Variants in ZFHX3 observed in about 807,000 individuals in gnomAD.
ZFHX3 encodes the protein zinc finger homeobox 3.
In ZFHX3, 42 loss-of-function variants were observed where a neutral mutation model predicts 279.1. The ratio of observed to expected loss-of-function variants is 0.15; its 90% confidence interval spans 0.12 to 0.19. ZFHX3 has a LOEUF of 0.19. ZFHX3 is among the 10% of genes least tolerant of loss of function. The pLI is 1.00. For missense variants in ZFHX3, 4,981 were observed against 4,754.0 expected (o/e 1.05, Z -1.40); for synonymous variants, 2,293 against 1,957.8 (o/e 1.17, Z -4.52).
intron 2 of ZFHX3, among the ~76,000 whole-genome samples, chr16:73,496,477 G>GCCAAGATC (rs2019143949): frequency 6.6e-6 from 1 of 152,224 alleles, no homozygotes; most frequent in African/African-American, 2.4e-5. Context: ...GTTGCAGTGA[G>GCCAAGATC]CCAAGATCGT....
At chr16:73,519,871 G>C (rs898950907) in intron 2 of ZFHX3, among the ~76,000 whole-genome samples, 20 of 152,128 alleles carry the variant, frequency 1.3e-4, no homozygotes, top group African/African-American at 4.3e-4. Flanking sequence ...TAGGAATTAA[G>C]GTCGTTTCAT....
At chr16:73,478,345 C>A (rs951463962) in intron 2 of ZFHX3, among the ~76,000 whole-genome samples, 4 of 151,954 alleles carry the variant, frequency 2.6e-5, no homozygotes, top group African/African-American at 7.3e-5. Flanking sequence ...AACCCTGGAC[C>A]CTCAGATTAA....
At chr16:72,876,348 T>C (rs542890196) in intron 4 of ZFHX3, among the ~76,000 whole-genome samples, 154 of 152,248 alleles carry the variant, frequency 1.0e-3, no homozygotes, top group Non-Finnish European at 1.7e-3. Flanking sequence ...CTTCTTCTCA[T>C]TCAGTTTCAT....
chr16:73,059,560 C>G (rs930727772), exon 1 of ZFHX3: 2 of 143,246 alleles, frequency 1.4e-5, no homozygotes, highest in African/African-American at 2.7e-5. Context: ...CTCTCTCTCT[C>G]TCTAAGCAAA....
intron 1 of ZFHX3, among the ~76,000 whole-genome samples, chr16:73,780,400 G>A (rs984747561): frequency 2.0e-5 from 3 of 150,378 alleles, no homozygotes; most frequent in Admixed American, 1.3e-4. Context: ...CACCCACCTC[G>A]GCCTCCCAAA....
chr16:73,057,896 C>T (rs911335066), intron 1 of ZFHX3, among the ~76,000 whole-genome samples: 15 of 148,976 alleles, frequency 1.0e-4, no homozygotes, highest in African/African-American at 3.7e-4. Context: ...GTGGCTGCGA[C>T]CGCGGCGACT....
intron 3 of ZFHX3, among the ~76,000 whole-genome samples, chr16:72,900,109 A>G (rs2038995006): frequency 7.1e-6 from 1 of 140,160 alleles, no homozygotes; most frequent in African/African-American, 2.7e-5. Context: ...CAGAGCCCAG[A>G]TCCAAAGCTT....
intron 1 of ZFHX3, among the ~76,000 whole-genome samples, chr16:73,744,140 C>T (rs2053683998): frequency 6.6e-6 from 1 of 152,216 alleles, no homozygotes; most frequent in African/African-American, 2.4e-5. Flanking sequence ...TCTAAAAGAT[C>T]TTTGTCCCAT....
intron 1 of ZFHX3, among the ~76,000 whole-genome samples, chr16:73,732,698 C>G (rs1383349488): frequency 6.6e-6 from 1 of 152,188 alleles, no homozygotes; most frequent in Non-Finnish European, 1.5e-5. Flanking sequence ...CTTTTCTAGA[C>G]CCTTTCTAAG....
At chr16:72,821,733 A>G (rs1416997472) in intron 5 of ZFHX3, among the ~76,000 whole-genome samples, 2 of 152,156 alleles carry the variant, frequency 1.3e-5, no homozygotes, top group African/African-American at 4.8e-5. Flanking sequence ...TCATCTGTCA[A>G]TGGGATAACA....
chr16:73,150,137 G>C (rs1244471767), intron 5 of ZFHX3, among the ~76,000 whole-genome samples: 3 of 152,152 alleles, frequency 2.0e-5, no homozygotes, highest in African/African-American at 7.2e-5. Flanking sequence ...CACAACCGCA[G>C]ATGCTGCTGG....
At chr16:73,647,133 C>T (rs755040681) in intron 2 of ZFHX3, among the ~76,000 whole-genome samples, 10 of 151,900 alleles carry the variant, frequency 6.6e-5, no homozygotes, top group Admixed American at 1.3e-4. Flanking sequence ...CTGCCTCAGC[C>T]TCTGGAGCAG....
chr16:73,661,945 C>T (rs1291706768), intron 2 of ZFHX3, among the ~76,000 whole-genome samples: 1 of 150,706 alleles, frequency 6.6e-6, no homozygotes, highest in Admixed American at 6.6e-5. Context: ...AGGTTTGCAC[C>T]TATAACGTAG....
chr16:73,270,665 G>A lies in ZFHX3; in HGVS notation c.-1193-13529C>T, dbSNP rs12917766. ...TACTAAAAGATCTGCCCAGTGGAAG[G>A]CATTCATGGTATATGGAGGTCAGCG... On this transcript the variant is annotated intron_variant, in intron 4 of 17. Coordinates refer to the ZFHX3 transcript ENST00000641206. Among the ~76,000 whole-genome samples the A allele has an allele frequency of 1.0e-2, 1,520 of 152,290 alleles. 13 individuals carry two copies. The highest frequency in any genetic ancestry group is 0.017 in the Middle Eastern group (5 of 292).
intron 2 of ZFHX3, among the ~76,000 whole-genome samples, chr16:73,613,460 T>C (rs1331134207): frequency 6.6e-6 from 1 of 152,154 alleles, no homozygotes; most frequent in Non-Finnish European, 1.5e-5. Context: ...GTTTGTTTTT[T>C]GGATGTGAGG....
At position 72,959,793 on chromosome 16, in the gene ZFHX3, T is replaced by C. The variant is rs766692411; in HGVS notation, c.353A>G (p.Glu118Gly). 3 of 1,598,992 alleles carry C rather than the reference T, an allele frequency of 1.9e-6. No homozygotes were observed. The Admixed American group carries it at 5.1e-5, about 27-fold the overall frequency. ...CACGTCACTCTCCTCGTCCCCCTCC[T>C]CACCGGTGTCGCTGGCGCTCTCCTC... ...LREESASDTG[E>G]EGDEESDVEN... The change falls in exon 2 of 10, where the codon GAG becomes GGG. Residue 118 changes from glutamate (E) to glycine (G), a missense_variant. By Grantham distance (98) the Glu-to-Gly change is moderately conservative. Transcript: ENST00000268489.
At chr16:73,882,748 CT>C (rs921123245) in intron 1 of ZFHX3, among the ~76,000 whole-genome samples, 3 of 151,930 alleles carry the variant, frequency 2.0e-5, no homozygotes, top group African/African-American at 4.8e-5. Context: ...ATGGACAGAC[CT>C]TTTTTTTAAG....
intron 3 of ZFHX3, among the ~76,000 whole-genome samples, chr16:73,419,927 G>A (rs1483024564): frequency 6.7e-6 from 1 of 149,844 alleles, no homozygotes; most frequent in African/African-American, 2.5e-5. Flanking sequence ...TTTTTCTGGA[G>A]ACAGGGTCTC....
At chr16:73,185,422 G>A (rs931361276) in intron 5 of ZFHX3, among the ~76,000 whole-genome samples, 1 of 152,112 alleles carries the variant, frequency 6.6e-6, no homozygotes, top group Non-Finnish European at 1.5e-5. Context: ...AGCAAAGGGC[G>A]GAACCCAAGT....
Sources: allele counts gnomAD v4.1 joint callset (sites outside exome capture counted in the v4.1 genomes callset), GRCh38; gene constraint gnomAD v4.1.1; transcripts MANE v1.5; gene names NCBI Gene and HGNC (gene_info 2026-07-23, HGNC 2026-07-21).